Variants in PSMA2 observed in about 807,000 individuals in gnomAD.
PSMA2 encodes proteasome subunit alpha type-2.
PSMA2 carries 2 observed loss-of-function variants against 35.9 expected under a neutral mutation model. The observed-to-expected ratio is 0.06, with a 90% CI of 0.02 to 0.18. The LOEUF is 0.18. PSMA2 is among the 10% of genes least tolerant of loss of function. PSMA2 has a pLI of 1.00. For synonymous variants in PSMA2, 97 were observed against 98.2 expected (o/e 0.99, Z 0.07); for missense variants, 126 against 278.8 (o/e 0.45, Z 3.90).
intron 6 of PSMA2, chr7:42,919,850 CTG>C: frequency 2.7e-6 from 2 of 746,674 alleles, no homozygotes; most frequent in Non-Finnish European, 5.0e-6. Context: ...GTCCTATTCA[CTG>C]TGTGAGATTT....
rs1583608680 is a variant in PSMA2, at chr7:42,927,372, C to T, written c.118+11G>A. ...TAACAGGCATCTGAAATGAATGAAGCATTTCATTACCTTTAATTCCCACGG... is the reference window on the plus strand; with the variant it reads ...TAACAGGCATCTGAAATGAATGAAGTATTTCATTACCTTTAATTCCCACGG... On this transcript the variant is annotated intron_variant, in intron 2 of 7. Coordinates refer to ENST00000223321, the MANE Select transcript of PSMA2 (RefSeq NM_002787.5). The T allele has an allele frequency of 1.9e-6, 3 of 1,605,936 alleles. No homozygotes were observed. The highest frequency in any genetic ancestry group is 1.1e-5 in the South Asian group (1 of 90,798).
chr7:42,924,153 G>C (rs1268736893), intron 4 of PSMA2, among the ~76,000 whole-genome samples: 1 of 149,980 alleles, frequency 6.7e-6, no homozygotes, highest in Non-Finnish European at 1.5e-5. Context: ...AAACCAGCCT[G>C]GCCAACATAG....
chr7:42,927,133 C>G (rs897596442), intron 2 of PSMA2, among the ~76,000 whole-genome samples: 12 of 150,288 alleles, frequency 8.0e-5, no homozygotes, highest in South Asian at 4.2e-4. Context: ...AAAAAAAGAA[C>G]TCAGTTTTCT....
At chr7:42,930,522 G>A (rs1035259147) in intron 1 of PSMA2, among the ~76,000 whole-genome samples, 1 of 151,836 alleles carries the variant, frequency 6.6e-6, no homozygotes, top group African/African-American at 2.4e-5. Context: ...GAGTAGCTGG[G>A]ATTACAGGTG....
intron 2 of PSMA2, 144 bp downstream of exon 2, chr7:42,927,239 T>C (rs1786229147): frequency 2.9e-6 from 2 of 695,758 alleles, no homozygotes; most frequent in Admixed American, 3.0e-5. Flanking sequence ...CTTATTACTA[T>C]TTAAACTCCA....
intron 1 of PSMA2, chr7:42,931,237 T>G: frequency 2.4e-6 from 1 of 417,824 alleles, no homozygotes; most frequent in South Asian, 1.7e-5. Flanking sequence ...CTCAACAAGT[T>G]AGATCCCGCC....
rs1226054591 is a variant in PSMA2 at position 42,917,293 on chromosome 7, C to G, written c.*281G>C. ...TTAAGATTTGACTTAACCAAAATTGCCTGACAACGAAAAAGTCATTTCATC... is the reference window on the plus strand; with the variant it reads ...TTAAGATTTGACTTAACCAAAATTGGCTGACAACGAAAAAGTCATTTCATC... On this transcript the variant is annotated 3_prime_UTR_variant, in exon 8 of 8. Transcript: ENST00000223321. 1 of 255,020 alleles carries G rather than the reference C, an allele frequency of 3.9e-6. No homozygotes were observed. The highest frequency in any genetic ancestry group is 7.5e-6 in the Non-Finnish European group (1 of 133,092). The allele number at this position is 255,020 out of a possible 1,614,324, so 15.8% of individuals were successfully genotyped here.
chr7:42,931,308 T>C (rs1222692143), intron 1 of PSMA2, among the ~76,000 whole-genome samples: 1 of 152,196 alleles, frequency 6.6e-6, no homozygotes, highest in East Asian at 1.9e-4. Flanking sequence ...CTTAAGAAAA[T>C]GGGTAAGTCA....
chr7:42,921,881 A>G lies in PSMA2; in HGVS notation c.507T>C (p.Asn169=). 2 of 1,612,762 alleles carry G rather than the reference A, an allele frequency of 1.2e-6. No individual in the cohort carries two copies. Among genetic ancestry groups the G allele is most frequent in the South Asian group, 1.1e-5 (1 of 90,932 alleles). The change falls in exon 6 of 8, where the codon AAT becomes AAC. Residue 169 remains asparagine, a synonymous_variant. Coordinates refer to ENST00000223321, the MANE Select transcript of PSMA2 (RefSeq NM_002787.5). ...KATAMGKNYV[N]GKTFLEKRYN... ...ACCTTTTCTCAAGGAAAGTCTTCCCATTCACATAGTTCTTTCCCATTGCTG... is the reference window on the plus strand; with the variant it reads ...ACCTTTTCTCAAGGAAAGTCTTCCCGTTCACATAGTTCTTTCCCATTGCTG...
chr7:42,930,237 A>G (rs1468560571), intron 1 of PSMA2, among the ~76,000 whole-genome samples: 3 of 151,562 alleles, frequency 2.0e-5, no homozygotes, highest in African/African-American at 4.9e-5. Context: ...ACACACACAC[A>G]CACACACACA....
rs377504129 is a variant in PSMA2, at chr7:42,931,341, TAA to T, written c.41+775_41+776del. On this transcript the variant is annotated intron_variant, in intron 1 of 7. Transcript: ENST00000223321. ...TCAGAAAACTTCCCCAGTCAATTTTTAAAAGTCTTCGGCGATGGTTTTCTCAC... is the reference window on the plus strand; with the variant it reads ...TCAGAAAACTTCCCCAGTCAATTTTTAAGTCTTCGGCGATGGTTTTCTCAC... Among the ~76,000 whole-genome samples the T allele has an allele frequency of 1.2e-3, 176 of 152,356 alleles. 1 individual carries two copies. Among genetic ancestry groups the T allele is most frequent in the African/African-American group, 4.1e-3 (170 of 41,580 alleles).
chr7:42,918,437 T>C (rs1040396621), intron 6 of PSMA2: 1 of 152,262 alleles, frequency 6.6e-6, no homozygotes, highest in African/African-American at 2.4e-5. Context: ...CTTTTTCTTA[T>C]AAGTTAAAAC....
In PSMA2 at chr7:42,927,390, T is replaced by A. The variant is rs763632242; in HGVS notation, c.111A>T (p.Gly37=). 2.5e-6 allele frequency: 4 copies of A among 1,613,668 alleles called. No homozygotes were observed. Among genetic ancestry groups the A allele is most frequent in the Admixed American group, 3.3e-5 (2 of 60,016 alleles). The part of the protein sequence containing the change: ...AAVAGGAPSV[G]IKAANGVVLA... ...AATGAAGCATTTCATTACCTTTAAT[T>A]CCCACGGACGGGGCTCCTCCAGCTA... Residue 37 remains glycine (G), a synonymous_variant, in exon 2 of 8, where the codon GGA becomes GGT. Transcript: ENST00000223321.
At chr7:42,932,026 G>A in intron 1 of PSMA2, 92 bp downstream of exon 1, 2 of 1,521,352 alleles carry the variant, frequency 1.3e-6, no homozygotes, top group Non-Finnish European at 1.8e-6. Flanking sequence ...CCCTCCAGAA[G>A]CACCAATGCC....
chr7:42,925,096 C>G (rs945562398), intron 3 of PSMA2, among the ~76,000 whole-genome samples: 2 of 137,798 alleles, frequency 1.5e-5, no homozygotes, highest in Non-Finnish European at 3.1e-5. Flanking sequence ...AGCCGCTTGT[C>G]TTTTTACAGC....
At chr7:42,919,339 A>G in intron 6 of PSMA2, 1 of 580,102 alleles carries the variant, frequency 1.7e-6, no homozygotes, top group Non-Finnish European at 3.4e-6. Flanking sequence ...ACCCTGGCTC[A>G]TAAACACATT....
rs781009370 is a variant in PSMA2, at chr7:42,932,082, C to A, written c.41+36G>T. 10 of 1,613,692 alleles carry A rather than the reference C, an allele frequency of 6.2e-6. No individual in the cohort carries two copies. The East Asian group carries it at 2.2e-4, about 36-fold the overall frequency. ...TAAATCGACAGAGTACCAGCAACCT[C>A]GACTACGCTGAAGACCTCGAGGGCC... On this transcript the variant is annotated intron_variant, in intron 1 of 7. Coordinates refer to ENST00000223321, the MANE Select transcript of PSMA2 (RefSeq NM_002787.5).
At chr7:42,927,527 G>A (rs1786232144) in intron 1 of PSMA2, 68 bp from the exon 2 acceptor site, 16 of 1,456,648 alleles carry the variant, frequency 1.1e-5, no homozygotes, top group Non-Finnish European at 1.3e-5. Flanking sequence ...ACATCTCTGA[G>A]ATAGTACAGA....
chr7:42,931,160 GATAAC>G, intron 1 of PSMA2: 1 of 455,144 alleles, frequency 2.2e-6, no homozygotes, highest in Admixed American at 2.4e-5. Context: ...AAGAAGCTGA[GATAAC>G]ATTCATTATA....
Sources: allele counts gnomAD v4.1 joint callset (sites outside exome capture counted in the v4.1 genomes callset), GRCh38; gene constraint gnomAD v4.1.1; transcripts MANE v1.5; gene names NCBI Gene and HGNC (gene_info 2026-07-23, HGNC 2026-07-21).